Variants in POLA2 observed in about 807,000 individuals in gnomAD.
POLA2 encodes the protein DNA polymerase alpha 2, accessory subunit.
POLA2 carries 47 observed loss-of-function variants against 82.8 expected under a neutral mutation model. The ratio of observed to expected loss-of-function variants is 0.57; its 90% CI spans 0.45 to 0.72. The LOEUF is 0.72. POLA2 is among the 30% of genes least tolerant of loss of function. POLA2 has a pLI of 0.00. For missense variants in POLA2, 634 were observed against 728.1 expected (o/e 0.87, Z 1.49); for synonymous variants, 287 against 286.8 (o/e 1.00, Z -0.01).
At chr11:65,294,006 C>T (rs1223614279) in intron 13 of POLA2, 147 bp from the exon 14 acceptor site, 1 of 738,202 alleles carries the variant, frequency 1.4e-6, no homozygotes, top group Non-Finnish European at 2.5e-6. Context: ...GAAACAGCGT[C>T]TCTGTTCATA....
At chr11:65,279,468 G>A in intron 6 of POLA2, 70 bp from the exon 7 acceptor site, 1 of 944,748 alleles carries the variant, frequency 1.1e-6, no homozygotes, top group Admixed American at 2.1e-5. Context: ...TTTACAATGT[G>A]CTGTATTTTC....
At position 65,297,261 on chromosome 11, in the gene POLA2, A is replaced by G. The variant is rs1949821780; in HGVS notation, c.1789A>G (p.Arg597Gly). The change falls in exon 18 of 18, where the codon AGG becomes GGG. Residue 597 changes from arginine (R) to glycine (G), a missense_variant. Physicochemically the swap from Arg to Gly is moderately radical, Grantham distance 125 (BLOSUM62 -2). Transcript: ENST00000265465. ...CCCATGCATTGCTGTGCAGGTCGTCAGGATCTGAGGCTTCTGTCCTCTGCT... is the reference window on the plus strand; with the variant it reads ...CCCATGCATTGCTGTGCAGGTCGTCGGGATCTGAGGCTTCTGTCCTCTGCT... Reference protein sequence around the residue: ...QSPCIAVQVVRI With the variant: ...QSPCIAVQVVGI 8.7e-6 allele frequency: 14 copies of G among 1,606,078 alleles called. No individual in the cohort carries two copies. Among genetic ancestry groups the G allele is most frequent in the Non-Finnish European group, 1.2e-5 (14 of 1,176,004 alleles).
chr11:65,288,027 C>T (rs1415177591), intron 11 of POLA2, among the ~76,000 whole-genome samples, 187 bp downstream of exon 11: 3 of 152,006 alleles, frequency 2.0e-5, no homozygotes, highest in Admixed American at 6.6e-5. Context: ...CAACTTTGGC[C>T]GGGCGCAGTG....
intron 4 of POLA2, among the ~76,000 whole-genome samples, chr11:65,269,516 C>T (rs1565469124): frequency 6.6e-6 from 1 of 151,214 alleles, no homozygotes; most frequent in Non-Finnish European, 1.5e-5. Flanking sequence ...ACAACAACAA[C>T]TATGTACTGC....
In POLA2 at chr11:65,296,012, T is replaced by C. The variant is rs750312492; in HGVS notation, c.1647+22T>C. ...GAAGGTAGGTTTGAACTCTGCTTTT[T>C]CCCAGAAACACCAGAACCCAGTCTT... is the stretch of plus-strand genomic sequence containing the variant. On this transcript the variant is annotated intron_variant, in intron 17 of 17. Transcript: ENST00000265465. 6.6e-5 allele frequency: 106 copies of C among 1,613,858 alleles called. 1 individual carries two copies. The highest frequency in any genetic ancestry group is 4.9e-4 in the Middle Eastern group (3 of 6,082).
rs115155501 is a variant in POLA2 at position 65,280,751 on chromosome 11, C to T, written c.745-241C>T. 1,241 of 499,014 alleles carry T rather than the reference C, an allele frequency of 2.5e-3. 13 individuals are homozygous for T. Among genetic ancestry groups the T allele is most frequent in the African/African-American group, 0.021 (1,098 of 51,310 alleles). 30.9% of individuals were successfully genotyped at this position (499,014 alleles called of 1,614,324 possible). ...TTCCCCTACACTAGAGATGCTCACA[C>T]TTAGGCAGCCTCCTAGGAAGGCTCA... On this transcript the variant is annotated intron_variant, in intron 7 of 17. Coordinates refer to ENST00000265465, the MANE Select transcript of POLA2 (RefSeq NM_002689.4).
chr11:65,281,157 G>T lies in POLA2; in HGVS notation c.900+10G>T, dbSNP rs531034344. 1 of 1,613,486 alleles carries T rather than the reference G, an allele frequency of 6.2e-7. No homozygotes were observed. The highest frequency in any genetic ancestry group is 2.2e-5 in the East Asian group (1 of 44,850). ...TCTGTTTCCTGGACAGGTGAGATTG[G>T]AGGAGTTCCACCAGAATGCAGGCGC... On this transcript the variant is annotated intron_variant, in intron 8 of 17. Transcript: ENST00000265465.
chr11:65,282,815 G>A lies in POLA2; in HGVS notation c.1006+294G>A, dbSNP rs374611850. ...TTGCCTTGGAAAGGAAAAGATGTAC[G>A]ATTTCAAAAAGAATTTATTTACATG... On this transcript the variant is annotated intron_variant, in intron 10 of 17. Transcript: ENST00000265465. Among the ~76,000 whole-genome samples the A allele has an allele frequency of 1.8e-4, 28 of 152,272 alleles. No homozygotes were observed. In the South Asian group the frequency reaches 5.0e-3, roughly 27 times the overall value.
At chr11:65,284,864 A>C (rs574767096) in intron 10 of POLA2, among the ~76,000 whole-genome samples, 1 of 152,222 alleles carries the variant, frequency 6.6e-6, no homozygotes, top group Non-Finnish European at 1.5e-5. Flanking sequence ...AGCACTGTTA[A>C]GGATTAGCAA....
chr11:65,288,925 A>G, intron 11 of POLA2, 125 bp from the exon 12 acceptor site: 1 of 855,878 alleles, frequency 1.2e-6, no homozygotes, highest in Non-Finnish European at 1.9e-6. Context: ...CCCAGGCTCT[A>G]CAGGCAGCCT....
intron 17 of POLA2, chr11:65,296,231 G>T: frequency 2.3e-6 from 1 of 441,456 alleles, no homozygotes; most frequent in Non-Finnish European, 4.2e-6. Context: ...GAGCCCAGAT[G>T]ACTAGGAAGG....
chr11:65,272,410 A>G (rs1166343666), intron 4 of POLA2, among the ~76,000 whole-genome samples: 4 of 152,328 alleles, frequency 2.6e-5, no homozygotes, highest in East Asian at 3.9e-4. Context: ...TCCCTCTGCT[A>G]TAGAGGTAAA....
At chr11:65,293,961 A>G (rs1406820348) in intron 13 of POLA2, among the ~76,000 whole-genome samples, 192 bp from the exon 14 acceptor site, 1 of 152,206 alleles carries the variant, frequency 6.6e-6, no homozygotes, top group Non-Finnish European at 1.5e-5. Flanking sequence ...GGTGTGAAGT[A>G]GAACAAACTG....
chr11:65,293,381 C>T lies in POLA2; in HGVS notation c.1245-772C>T, dbSNP rs1316145965. On this transcript the variant is annotated intron_variant, in intron 13 of 17. Transcript: ENST00000265465. ...TCCCAACACTTTGGGAGGCCAAGGT[C>T]GGTGGATCACTTGAGGCCAGGAGTT... Among the ~76,000 whole-genome samples the T allele has an allele frequency of 4.0e-5, 6 of 151,884 alleles. No individual in the cohort carries two copies. In the South Asian group the frequency reaches 1.2e-3, roughly 32 times the overall value.
downstream of POLA2, among the ~76,000 whole-genome samples, chr11:65,299,622 G>A (rs1949848085): frequency 6.6e-6 from 1 of 152,184 alleles, no homozygotes; most frequent in African/African-American, 2.4e-5. Context: ...TGACCTCAGG[G>A]CACCCGGCCC....
chr11:65,262,233 C>T lies in POLA2; in HGVS notation c.-60C>T, dbSNP rs1296875784. 1.4e-6 allele frequency: 2 copies of T among 1,396,212 alleles called. No homozygotes were observed. The highest frequency in any genetic ancestry group is 1.4e-5 in the African/African-American group (1 of 70,444). 86.5% of individuals were successfully genotyped at this position (1,396,212 alleles called of 1,614,324 possible). On this transcript the variant is annotated 5_prime_UTR_variant, in exon 1 of 18. Transcript: ENST00000265465. ...GCTCATCGCTCGCCACCCCCGTGGG[C>T]TTCTTGGGCGCAGGTCGGAGCTGGG... is the stretch of plus-strand genomic sequence containing the variant.
At chr11:65,305,536 C>A in exon 9 of POLA2, 1 of 389,276 alleles carries the variant, frequency 2.6e-6, no homozygotes, top group South Asian at 1.9e-5. Flanking sequence ...AAGCTGGGCA[C>A]GGTGGTGCGT....
intron 13 of POLA2, among the ~76,000 whole-genome samples, chr11:65,293,019 T>G (rs1949771138): frequency 1.3e-5 from 2 of 152,248 alleles, no homozygotes; most frequent in Admixed American, 1.3e-4. Flanking sequence ...AGTTACAACT[T>G]TCTTCTTCAC....
chr11:65,264,958 C>A (rs1376684980), intron 1 of POLA2, among the ~76,000 whole-genome samples: 1 of 152,180 alleles, frequency 6.6e-6, no homozygotes, highest in African/African-American at 2.4e-5. Flanking sequence ...CGGCCGGGTG[C>A]GGTGGCTCAC....
Sources: gnomAD v4.1 joint callset for allele counts (sites outside exome capture counted in the v4.1 genomes callset) on GRCh38, gnomAD v4.1.1 for gene constraint, MANE v1.5 for transcripts, NCBI Gene and HGNC (gene_info 2026-07-23, HGNC 2026-07-21) for gene names.